Variants in CCNY observed in about 807,000 individuals in gnomAD.
The protein encoded by CCNY is cyclin Y.
In CCNY, 19 loss-of-function variants were observed where a neutral mutation model predicts 42.8. That is an observed-to-expected ratio of 0.44 (90% CI 0.31 to 0.65). The LOEUF is 0.65. CCNY is among the 30% of genes least tolerant of loss of function. CCNY has a pLI of 0.07. For synonymous variants in CCNY, 165 were observed against 162.7 expected (o/e 1.01, Z -0.11); for missense variants, 370 against 437.3 (o/e 0.85, Z 1.37).
intron 1 of CCNY, among the ~76,000 whole-genome samples, chr10:35,433,453 A>T (rs1838457525): frequency 6.6e-6 from 1 of 152,344 alleles, no homozygotes; most frequent in South Asian, 2.1e-4. Flanking sequence ...GTTCTTGTCA[A>T]ATAGTATAAC....
intron 1 of CCNY, among the ~76,000 whole-genome samples, chr10:35,464,310 A>C (rs1839213407): frequency 6.6e-6 from 1 of 152,112 alleles, no homozygotes; most frequent in South Asian, 2.1e-4. Flanking sequence ...CAGATCTTCA[A>C]ATCCATCTAC....
intron 1 of CCNY, among the ~76,000 whole-genome samples, chr10:35,452,384 C>A (rs960004066): frequency 6.6e-6 from 1 of 152,190 alleles, no homozygotes; most frequent in East Asian, 1.9e-4. Context: ...TTAACTCCTA[C>A]TCAGATGTCC....
intron 4 of CCNY, among the ~76,000 whole-genome samples, chr10:35,522,249 G>C (rs1421701148): frequency 2.6e-5 from 4 of 152,152 alleles, no homozygotes; most frequent in Non-Finnish European, 5.9e-5. Flanking sequence ...TTTGACTCTG[G>C]TGGCTCCAGG....
chr10:35,324,876 T>C (rs943299762), intron 3 of CCNY, among the ~76,000 whole-genome samples: 8 of 152,260 alleles, frequency 5.3e-5, no homozygotes, highest in African/African-American at 1.9e-4. Flanking sequence ...GTGATGATTC[T>C]AATTCTCTGA....
At chr10:35,510,002 C>A (rs1589168006) in intron 3 of CCNY, among the ~76,000 whole-genome samples, 1 of 152,248 alleles carries the variant, frequency 6.6e-6, no homozygotes, top group South Asian at 2.1e-4. Context: ...GCCTTTCGTT[C>A]ATTCCTAGTC....
intron 3 of CCNY, among the ~76,000 whole-genome samples, chr10:35,311,434 T>C (rs1276222231): frequency 6.6e-6 from 1 of 152,244 alleles, no homozygotes; most frequent in Non-Finnish European, 1.5e-5. Flanking sequence ...CCTAGCACTT[T>C]GGGAGGCTGA....
In CCNY at chr10:35,485,582, G is replaced by T. The variant is rs533231759; in HGVS notation, c.229+2104G>T. Among the ~76,000 whole-genome samples, 4 of 152,170 alleles carry T rather than the reference G, an allele frequency of 2.6e-5. No homozygotes were observed. The South Asian group carries it at 8.3e-4, about 32-fold the overall frequency. Reference sequence around the variant, plus strand: ...CTACTAAAAATACAAAAAATTAGCTGGGTGTGGTGGCGGGCACCTGTATTC... The same window carrying T: ...CTACTAAAAATACAAAAAATTAGCTTGGTGTGGTGGCGGGCACCTGTATTC... On this transcript the variant is annotated intron_variant, in intron 2 of 9. Coordinates refer to ENST00000374704, the MANE Select transcript of CCNY (RefSeq NM_145012.6).
chr10:35,448,146 T>G (rs1335367885), intron 1 of CCNY, among the ~76,000 whole-genome samples: 2 of 152,200 alleles, frequency 1.3e-5, no homozygotes, highest in Non-Finnish European at 2.9e-5. Context: ...AGCAGATTGA[T>G]GACAGCTTTG....
At chr10:35,269,025 T>C (rs1304552175) in intron 3 of CCNY, among the ~76,000 whole-genome samples, 1 of 152,212 alleles carries the variant, frequency 6.6e-6, no homozygotes, top group African/African-American at 2.4e-5. Context: ...CTTCCTTCTA[T>C]GCGTACTTAT....
intron 1 of CCNY, among the ~76,000 whole-genome samples, chr10:35,482,751 TGTGTGTGTGTGTGTG>T (rs1839698421): frequency 2.3e-5 from 1 of 42,742 alleles, no homozygotes; most frequent in South Asian, 7.8e-4. Flanking sequence ...TGGAAATAGG[TGTGTGTGTGTGTGTG>T]TGTGTGTGTG....
At chr10:35,425,041 C>T (rs183575954) in intron 1 of CCNY, among the ~76,000 whole-genome samples, 90 of 152,232 alleles carry the variant, frequency 5.9e-4, no homozygotes, top group Non-Finnish European at 1.1e-3. Flanking sequence ...TGCTGTGTTC[C>T]CAGGAGTGGC....
intron 3 of CCNY, among the ~76,000 whole-genome samples, chr10:35,263,243 G>C (rs1490578936): frequency 1.3e-5 from 2 of 150,276 alleles, no homozygotes; most frequent in African/African-American, 4.9e-5. Flanking sequence ...TGTGGTCCCA[G>C]CTACTCAGGA....
intron 8 of CCNY, among the ~76,000 whole-genome samples, chr10:35,564,473 C>T (rs1841527990): frequency 6.6e-6 from 1 of 152,154 alleles, no homozygotes; most frequent in Non-Finnish European, 1.5e-5. Flanking sequence ...TGGAGCCCTC[C>T]TCAGTCCTTC....
At chr10:35,420,091 T>C (rs1436644944) in intron 1 of CCNY, among the ~76,000 whole-genome samples, 1 of 152,160 alleles carries the variant, frequency 6.6e-6, no homozygotes, top group East Asian at 1.9e-4. Flanking sequence ...CTTGCCTGAT[T>C]TTTCCTGTGA....
intron 1 of CCNY, among the ~76,000 whole-genome samples, chr10:35,364,990 A>G (rs556913522): frequency 2.0e-5 from 3 of 152,220 alleles, no homozygotes; most frequent in Non-Finnish European, 2.9e-5. Context: ...ATGTTTAACT[A>G]TCAGTAGGCT....
chr10:35,335,541 C>A (rs1271597725), upstream of CCNY, among the ~76,000 whole-genome samples: 1 of 152,002 alleles, frequency 6.6e-6, no homozygotes, highest in Non-Finnish European at 1.5e-5. Context: ...CCAAATCAAG[C>A]CCCAGCTTAT....
At chr10:35,376,628 T>C (rs932421723) in intron 1 of CCNY, among the ~76,000 whole-genome samples, 4 of 152,188 alleles carry the variant, frequency 2.6e-5, no homozygotes, top group Admixed American at 2.0e-4. Context: ...ATGCATATGT[T>C]CCCAAATCCG....
intron 1 of CCNY, among the ~76,000 whole-genome samples, chr10:35,374,147 A>G (rs1217106297): frequency 6.6e-6 from 1 of 152,164 alleles, no homozygotes; most frequent in Admixed American, 6.5e-5. Flanking sequence ...TGAATGATTT[A>G]TATTTTTGGC....
chr10:35,496,096 A>G (rs1440714587), intron 2 of CCNY, among the ~76,000 whole-genome samples: 1 of 152,250 alleles, frequency 6.6e-6, no homozygotes, highest in African/African-American at 2.4e-5. Flanking sequence ...CATTGGAGCT[A>G]TCTCAGCAAT....
Sources: gnomAD v4.1 joint callset for allele counts (sites outside exome capture counted in the v4.1 genomes callset) on GRCh38, gnomAD v4.1.1 for gene constraint, MANE v1.5 for transcripts, NCBI Gene and HGNC (gene_info 2026-07-23, HGNC 2026-07-21) for gene names.